ATXN3: variants seen among roughly 807,000 people sequenced by gnomAD.
ATXN3 encodes the protein ataxin-3.
ATXN3 carries 28 observed loss-of-function variants against 58.2 expected under a neutral mutation model. The observed-to-expected ratio is 0.48, with a 90% CI of 0.36 to 0.66. ATXN3 has a LOEUF of 0.66. Ranked by LOEUF, ATXN3 falls within the 30% of genes least tolerant of loss-of-function variation. ATXN3 has a pLI of 0.00. For synonymous variants in ATXN3, 113 were observed against 138.5 expected (o/e 0.82, Z 1.29); for missense variants, 321 against 422.1 (o/e 0.76, Z 2.10).
chr14:92,092,858 TA>T (rs11340208), intron 5 of ATXN3, among the ~76,000 whole-genome samples: 42,040 of 149,030 alleles, frequency 0.28, 6,262 homozygotes, highest in East Asian at 0.44. Flanking sequence ...TTTTTAAATA[TA>T]TTTTTTTTAT....
chr14:92,050,130 T>G (rs909294530), upstream of ATXN3, among the ~76,000 whole-genome samples: 6 of 149,218 alleles, frequency 4.0e-5, no homozygotes, highest in Non-Finnish European at 8.9e-5. Context: ...ATAATGGAAG[T>G]TGACTTTGCT....
intron 10 of ATXN3, among the ~76,000 whole-genome samples, chr14:92,066,566 TGGA>T (rs1412294474): frequency 6.6e-6 from 1 of 151,648 alleles, no homozygotes; most frequent in Non-Finnish European, 1.5e-5. Flanking sequence ...GATATTTCAC[TGGA>T]TATGTAACTC....
intron 9 of ATXN3, chr14:92,073,662 C>A (rs2059833137): frequency 6.6e-6 from 1 of 152,116 alleles, no homozygotes; most frequent in Admixed American, 6.6e-5. Flanking sequence ...CATGGTGAAA[C>A]CCCATCTCTA....
intron 10 of ATXN3, among the ~76,000 whole-genome samples, chr14:92,068,111 C>T (rs1348133809): frequency 2.6e-5 from 4 of 152,258 alleles, no homozygotes; most frequent in Middle Eastern, 3.4e-3. Flanking sequence ...CAGAGAGATG[C>T]CTATGTATTA....
chr14:92,082,487 T>C (rs2061634784), intron 7 of ATXN3, 21 bp from the exon 8 acceptor site: 2 of 1,589,648 alleles, frequency 1.3e-6, no homozygotes, highest in Non-Finnish European at 1.7e-6. Context: ...AAAGCACTGG[T>C]AATAACTGCA....
chr14:92,097,330 T>C (rs2065647598), intron 1 of ATXN3, among the ~76,000 whole-genome samples: 1 of 149,058 alleles, frequency 6.7e-6, no homozygotes, highest in South Asian at 2.1e-4. Context: ...CGGGTTCAAG[T>C]GATTCTCCTG....
chr14:92,075,233 C>T (rs1029931403), intron 9 of ATXN3, among the ~76,000 whole-genome samples: 6 of 147,018 alleles, frequency 4.1e-5, no homozygotes, highest in East Asian at 2.0e-4. Context: ...GGCACAACCT[C>T]GGCTCACTGC....
At chr14:92,078,715 A>C (rs1017557966) in intron 9 of ATXN3, among the ~76,000 whole-genome samples, 15 of 152,194 alleles carry the variant, frequency 9.9e-5, no homozygotes, top group African/African-American at 3.1e-4. Flanking sequence ...AATTACAATT[A>C]ATTATTATGA....
rs768161284 is a variant in ATXN3, at chr14:92,089,329, ACT to A, written c.388-514_388-513del. 5.0e-4 allele frequency among the ~76,000 whole-genome samples: 42 copies of A among 83,600 alleles called. 3 individuals carry two copies. The East Asian group carries it at 6.9e-3, about 14-fold the overall frequency. 54.8% of individuals were successfully genotyped at this position (83,600 alleles called of 152,430 possible). On this transcript the variant is annotated intron_variant, in intron 5 of 10. Transcript: ENST00000644486. ...CCACTGCACCTGGCCTCTGCTAAAT[ACT>A]CTTTTTTTTTTTTTTTTTTTTTTTT...
At chr14:92,048,717 G>A (rs1273636839) in intron 1 of ATXN3, among the ~76,000 whole-genome samples, 1 of 152,170 alleles carries the variant, frequency 6.6e-6, no homozygotes, top group Non-Finnish European at 1.5e-5. Flanking sequence ...CACGGTGTGA[G>A]GAGGGGGTGA....
At chr14:92,046,850 A>G (rs928562854) in intron 2 of ATXN3, among the ~76,000 whole-genome samples, 3 of 152,190 alleles carry the variant, frequency 2.0e-5, no homozygotes, top group African/African-American at 7.2e-5. Context: ...TTTATGAAGA[A>G]TTATACTGAG....
intron 1 of ATXN3, among the ~76,000 whole-genome samples, chr14:92,104,164 G>A (rs547921194): frequency 4.6e-5 from 7 of 151,950 alleles, no homozygotes; most frequent in Admixed American, 6.6e-5. Context: ...TTTTTGAGAC[G>A]GAGTCTCGCT....
chr14:92,096,684 G>T lies in ATXN3; in HGVS notation c.179C>A (p.Thr60Lys), dbSNP rs144506566. The change falls in exon 2 of 11, where the codon ACG becomes AAG. Residue 60 changes from threonine to lysine, a missense_variant. Thr to Lys is a moderately conservative substitution (Grantham distance 78). This residue lies in a region of ATXN3 where 121 missense variants were observed against 198.9 expected (regional missense o/e 0.61). Coordinates refer to ENST00000644486, the MANE Select transcript of ATXN3 (RefSeq NM_004993.6). The part of the protein sequence containing the change: ...EGGVTSEDYR[T>K]FLQQPSGNMD... ...GTTTAAAATCAGTACCTGTAAAAAC[G>T]TGCGATAATCTTCACTAGTAACTCC... is the stretch of plus-strand genomic sequence containing the variant. The T allele has an allele frequency of 1.9e-6, 3 of 1,607,976 alleles. No individual in the cohort carries two copies. The highest frequency in any genetic ancestry group is 1.7e-4 in the Middle Eastern group (1 of 6,032).
chr14:92,081,020 C>T lies in ATXN3; in HGVS notation c.817G>A (p.Gly273Ser), dbSNP rs772056412. 1.4e-5 allele frequency: 23 copies of T among 1,612,720 alleles called. No homozygotes were observed. The highest frequency in any genetic ancestry group is 2.7e-5 in the African/African-American group (2 of 75,000). ...NISQDMTQTS[G>S]TNLTSEELRK... The stretch of plus-strand genomic sequence containing the variant: ...AGCTCTTCTGAAGTAAGATTTGTAC[C>T]TGATGTCTGTGTCATATCTTGAGAT... The change falls in exon 9 of 11, where the codon GGT (glycine) becomes AGT (serine). Residue 273 changes from glycine (G) to serine (S), a missense_variant. Physicochemically the swap from Gly to Ser is moderately conservative, Grantham distance 56. Coordinates refer to ENST00000644486, the MANE Select transcript of ATXN3 (RefSeq NM_004993.6).
chr14:92,087,474 G>C (rs1050870306), intron 6 of ATXN3, among the ~76,000 whole-genome samples: 3 of 152,170 alleles, frequency 2.0e-5, no homozygotes, highest in African/African-American at 7.2e-5. Context: ...TGGGTGAATG[G>C]ATGGATAGAT....
chr14:92,057,729 T>C (rs576586307), downstream of ATXN3, among the ~76,000 whole-genome samples: 32 of 152,330 alleles, frequency 2.1e-4, no homozygotes, highest in African/African-American at 7.5e-4. Context: ...TCTAGGTGGA[T>C]TCCAATCACT....
At position 92,059,258 on chromosome 14, in the gene ATXN3, A is replaced by G. The variant is rs1256881763; in HGVS notation, c.*5062T>C. The G allele has an allele frequency of 6.6e-6, 1 of 152,218 alleles. No homozygotes were observed. Among genetic ancestry groups the G allele is most frequent in the Non-Finnish European group, 1.5e-5 (1 of 68,036 alleles). The allele number at this position is 152,218 out of a possible 1,614,324, so 9.4% of individuals were successfully genotyped here. On this transcript the variant is annotated 3_prime_UTR_variant, in exon 11 of 11. Transcript: ENST00000644486. ...AATTCTAGAATTTACCAACGATGTC[A>G]ATAATCTTCACTCATGAAAGCAAAT...
chr14:92,076,865 A>G lies in ATXN3; in HGVS notation c.872+4100T>C, dbSNP rs960178572. Among the ~76,000 whole-genome samples, 13 of 142,318 alleles carry G rather than the reference A, an allele frequency of 9.1e-5. No homozygotes were observed. In the East Asian group the frequency reaches 3.0e-3, roughly 33 times the overall value. The allele number at this position is 142,318 out of a possible 152,430, so 93.4% of individuals were successfully genotyped here. A position where few individuals can be genotyped will look rare whatever the true frequency, so the allele number is the denominator to read the frequency against. On this transcript the variant is annotated intron_variant, in intron 9 of 10. Coordinates refer to ENST00000644486, the MANE Select transcript of ATXN3 (RefSeq NM_004993.6). ...TGAGGCAGAATAATCGCTTAAACTC[A>G]GGAGGCGGAGGTTGCAGTGAGCCGA... is the stretch of plus-strand genomic sequence containing the variant.
At chr14:92,080,683 G>A (rs1322222221) in intron 9 of ATXN3, 4 of 371,086 alleles carry the variant, frequency 1.1e-5, no homozygotes, top group African/African-American at 4.2e-5. Context: ...ACAGGCGCAC[G>A]CTTCCATGCC....
Sources: allele counts gnomAD v4.1 joint callset (sites outside exome capture counted in the v4.1 genomes callset), GRCh38; gene constraint gnomAD v4.1.1; regional missense constraint gnomAD v4.1.1; transcripts MANE v1.5; gene names NCBI Gene and HGNC (gene_info 2026-07-23, HGNC 2026-07-21).